CDK5RAP1: variants seen among roughly 807,000 people sequenced by gnomAD.
The protein encoded by CDK5RAP1 is mitochondrial tRNA methylthiotransferase CDK5RAP1.
In CDK5RAP1, 62 loss-of-function variants were observed where a neutral mutation model predicts 64.5. That is an observed-to-expected ratio of 0.96 (90% confidence interval 0.78 to 1.19). The LOEUF (loss-of-function observed/expected upper bound fraction) is 1.19. Among genes scored for constraint, CDK5RAP1 ranks in the 50% most tolerant of loss-of-function variants. The probability of loss-of-function intolerance (pLI) is 0.00; values close to 1 mark genes in which losing one functional copy is unlikely to be tolerated. For missense variants in CDK5RAP1, 657 were observed against 735.0 expected, an observed-to-expected ratio of 0.89 and a Z score of 1.23; for synonymous variants, 250 against 261.9, an observed-to-expected ratio of 0.95 and a Z score of 0.44.
intron 12 of CDK5RAP1, among the ~76,000 whole-genome samples, chr20:33,364,851 G>A (rs886365012): frequency 2.0e-5 from 3 of 151,772 alleles, no homozygotes; most frequent in African/African-American, 7.3e-5. Flanking sequence ...TGGGATTCCA[G>A]GCATGAGCCA....
chr20:33,387,288 G>T, intron 6 of CDK5RAP1, 35 bp downstream of exon 6: 6 of 1,434,476 alleles, frequency 4.2e-6, no homozygotes, highest in African/African-American at 1.4e-5. Flanking sequence ...AAAGGAGGAA[G>T]AGGCTTATTC....
chr20:33,391,053 A>G (rs1988248134), intron 5 of CDK5RAP1, among the ~76,000 whole-genome samples: 2 of 152,128 alleles, frequency 1.3e-5, no homozygotes, highest in Non-Finnish European at 2.9e-5. Context: ...CAGAAGTTCT[A>G]GACCAGCCTG....
chr20:33,370,402 T>C (rs760880022), intron 11 of CDK5RAP1, 97 bp downstream of exon 11: 2 of 1,295,034 alleles, frequency 1.5e-6, no homozygotes, highest in Non-Finnish European at 2.2e-6. Flanking sequence ...TCTCAAGGAC[T>C]GCCTTGCCGC....
chr20:33,379,422 A>T, intron 8 of CDK5RAP1, 39 bp downstream of exon 8: 1 of 1,450,892 alleles, frequency 6.9e-7, no homozygotes. Context: ...ATGCTCAAGA[A>T]TACTAATATC....
At position 33,385,729 on chromosome 20, in the gene CDK5RAP1, A is replaced by C; in HGVS notation, c.797T>G (p.Ile266Ser). ...CTCCCTGCCCCGGGTGAAAGGAACA[A>C]TGCAGTAGCTACACATGTTGTCACA... Reference protein sequence around the residue: ...RGCDNMCSYCIVPFTRGRERS... With the variant: ...RGCDNMCSYCSVPFTRGRERS... The change falls in exon 7 of 14, where the codon ATT becomes AGT. Residue 266 changes from isoleucine to serine, a missense_variant. Ile to Ser is a moderately radical substitution (Grantham distance 142). Transcript: ENST00000346416. 1 of 1,613,946 alleles carries C rather than the reference A, an allele frequency of 6.2e-7. No individual in the cohort carries two copies. Among genetic ancestry groups the C allele is most frequent in the Non-Finnish European group, 8.5e-7 (1 of 1,179,850 alleles).
At chr20:33,390,156 C>A (rs1243409770) in intron 5 of CDK5RAP1, among the ~76,000 whole-genome samples, 1 of 151,886 alleles carries the variant, frequency 6.6e-6, no homozygotes, top group Non-Finnish European at 1.5e-5. Flanking sequence ...TGCCTGCAGT[C>A]CCAGCTACTC....
chr20:33,396,019 A>AAAAAG (rs1988868837), intron 2 of CDK5RAP1, among the ~76,000 whole-genome samples: 2 of 152,206 alleles, frequency 1.3e-5, no homozygotes. Context: ...AAAAAAAACA[A>AAAAAG]AAAAGAAAAG....
chr20:33,387,734 A>G (rs552875522), intron 5 of CDK5RAP1, among the ~76,000 whole-genome samples: 3 of 152,208 alleles, frequency 2.0e-5, no homozygotes, highest in African/African-American at 7.2e-5. Flanking sequence ...AAACCACAGA[A>G]AAGGGTTCCA....
chr20:33,365,301 T>C (rs1983707071), intron 12 of CDK5RAP1, among the ~76,000 whole-genome samples: 1 of 151,882 alleles, frequency 6.6e-6, no homozygotes, highest in African/African-American at 2.4e-5. Context: ...AAACAGAGTC[T>C]CACTCTGTTG....
chr20:33,394,837 A>G (rs1988741911), intron 3 of CDK5RAP1, among the ~76,000 whole-genome samples, 176 bp downstream of exon 3: 2 of 152,196 alleles, frequency 1.3e-5, no homozygotes, highest in African/African-American at 2.4e-5. Flanking sequence ...CATCACCATA[A>G]AAGTTTCAAA....
chr20:33,382,546 T>C (rs922465210), intron 7 of CDK5RAP1, among the ~76,000 whole-genome samples: 1 of 152,016 alleles, frequency 6.6e-6, no homozygotes, highest in African/African-American at 2.4e-5. Flanking sequence ...CTAAGTATGG[T>C]GGCGCATGCC....
At chr20:33,388,575 CCTCTCCCTCT>C (rs1241852543) in intron 5 of CDK5RAP1, among the ~76,000 whole-genome samples, 1 of 120,030 alleles carries the variant, frequency 8.3e-6, no homozygotes, top group African/African-American at 3.1e-5. Flanking sequence ...TCCCTCTCCC[CCTCTCCCTCT>C]CTCCTTCTCC....
chr20:33,365,992 C>T lies in CDK5RAP1; in HGVS notation c.1542+867G>A, dbSNP rs553145074. On this transcript the variant is annotated intron_variant, in intron 12 of 13. Transcript: ENST00000346416. The stretch of plus-strand genomic sequence containing the variant: ...TGAAAAACCCATTTATTCTCTAGCC[C>T]CAAGTAAGTAATGGCTATGTTGGAT... Among the ~76,000 whole-genome samples, 3 of 152,252 alleles carry T rather than the reference C, an allele frequency of 2.0e-5. No individual in the cohort carries two copies. In the East Asian group the frequency reaches 5.8e-4, roughly 29 times the overall value.
At chr20:33,390,348 A>G (rs964337408) in intron 5 of CDK5RAP1, among the ~76,000 whole-genome samples, 3 of 152,106 alleles carry the variant, frequency 2.0e-5, no homozygotes, top group African/African-American at 7.2e-5. Context: ...ACATTATGAT[A>G]AGCCAAATAA....
intron 12 of CDK5RAP1, among the ~76,000 whole-genome samples, chr20:33,363,843 G>A (rs2146582084): frequency 6.6e-6 from 1 of 152,210 alleles, no homozygotes; most frequent in Admixed American, 6.5e-5. Flanking sequence ...AGGTTACAGT[G>A]AGCTATCATT....
chr20:33,387,246 G>C, intron 6 of CDK5RAP1, 77 bp downstream of exon 6: 1 of 1,097,926 alleles, frequency 9.1e-7, no homozygotes. Flanking sequence ...ACAAGAGTGA[G>C]ACCCTGTCTC....
At chr20:33,378,071 T>C (rs1986240640) in intron 8 of CDK5RAP1, among the ~76,000 whole-genome samples, 2 of 152,224 alleles carry the variant, frequency 1.3e-5, no homozygotes, top group Non-Finnish European at 2.9e-5. Flanking sequence ...ACTTGGCTGG[T>C]TGACATAAGA....
At chr20:33,397,741 C>T (rs1263972756) in intron 1 of CDK5RAP1, among the ~76,000 whole-genome samples, 1 of 152,200 alleles carries the variant, frequency 6.6e-6, no homozygotes, top group Non-Finnish European at 1.5e-5. Context: ...CCTGTAATCC[C>T]AGGACTTTGG....
intron 1 of CDK5RAP1, among the ~76,000 whole-genome samples, chr20:33,400,103 A>G (rs985905327): frequency 6.6e-6 from 1 of 152,254 alleles, no homozygotes; most frequent in Admixed American, 6.5e-5. Context: ...GCAGTTCACA[A>G]TAGGGTTTGT....
Sources: allele counts gnomAD v4.1 joint callset (sites outside exome capture counted in the v4.1 genomes callset), GRCh38; gene constraint gnomAD v4.1.1; transcripts MANE v1.5; gene names NCBI Gene and HGNC (gene_info 2026-07-23, HGNC 2026-07-21).